HS3ST4: variants seen among roughly 807,000 people sequenced by gnomAD.
HS3ST4 encodes heparan sulfate-glucosamine 3-sulfotransferase 4.
HS3ST4 carries 17 observed loss-of-function variants against 29.2 expected under a neutral mutation model. The observed-to-expected ratio is 0.58, with a 90% CI of 0.40 to 0.87. The LOEUF is 0.87. Ranked by LOEUF, HS3ST4 falls within the 40% of genes least tolerant of loss-of-function variation. HS3ST4 has a pLI of 0.00. For synonymous variants in HS3ST4, 314 were observed against 285.7 expected, an observed-to-expected ratio of 1.10 and a Z score of -1.00; for missense variants, 627 against 634.5, an observed-to-expected ratio of 0.99 and a Z score of 0.13.
intron 1 of HS3ST4, 104 bp from the exon 2 acceptor site, chr16:26,135,508 G>T: frequency 2.7e-6 from 3 of 1,095,942 alleles, no homozygotes; most frequent in South Asian, 1.7e-5. Flanking sequence ...AATTTTATTT[G>T]GTGGTTCCAA....
chr16:26,086,982 T>TA (rs1898797670), intron 1 of HS3ST4, among the ~76,000 whole-genome samples: 1 of 152,216 alleles, frequency 6.6e-6, no homozygotes, highest in Non-Finnish European at 1.5e-5. Flanking sequence ...CTGCTATCAC[T>TA]AAGTGAAAAA....
intron 1 of HS3ST4, among the ~76,000 whole-genome samples, chr16:25,859,101 G>A (rs1596593474): frequency 6.6e-6 from 1 of 152,102 alleles, no homozygotes; most frequent in South Asian, 2.1e-4. Flanking sequence ...TAATTTCTTG[G>A]AATTTTGGAG....
chr16:25,939,860 G>A (rs1968555646), intron 1 of HS3ST4, among the ~76,000 whole-genome samples: 1 of 152,166 alleles, frequency 6.6e-6, no homozygotes, highest in African/African-American at 2.4e-5. Context: ...GGCCCCAAAT[G>A]CAAATATTTA....
chr16:25,849,601 A>G (rs1157907764), intron 1 of HS3ST4, among the ~76,000 whole-genome samples: 1 of 152,100 alleles, frequency 6.6e-6, no homozygotes, highest in African/African-American at 2.4e-5. Context: ...GGCTCAAGCC[A>G]TCCTCCCGTC....
intron 1 of HS3ST4, among the ~76,000 whole-genome samples, chr16:25,993,187 C>T (rs185793266): frequency 7.2e-5 from 11 of 152,278 alleles, no homozygotes; most frequent in Admixed American, 5.9e-4. Context: ...ACAATCATTG[C>T]TGTCATGGAA....
intron 1 of HS3ST4, among the ~76,000 whole-genome samples, chr16:26,118,292 C>T (rs2141808009): frequency 6.6e-6 from 1 of 152,228 alleles, no homozygotes; most frequent in Middle Eastern, 3.4e-3. Context: ...GTCTTGAATT[C>T]CTGGGTTCAA....
At chr16:25,857,928 CTTTCTTTCTTTCTT>C (rs1967594959) in intron 1 of HS3ST4, among the ~76,000 whole-genome samples, 1 of 47,668 alleles carries the variant, frequency 2.1e-5, no homozygotes, top group African/African-American at 1.2e-4. Flanking sequence ...TCCTTTCTTT[CTTTCTTTCTTTCTT>C]TCTTTCTTTC....
At chr16:25,885,362 G>A (rs1967938386) in intron 1 of HS3ST4, among the ~76,000 whole-genome samples, 1 of 152,174 alleles carries the variant, frequency 6.6e-6, no homozygotes, top group South Asian at 2.1e-4. Context: ...GAGACCCTCA[G>A]AGGAGGGGAC....
chr16:25,793,957 T>C (rs1460927067), intron 1 of HS3ST4, among the ~76,000 whole-genome samples: 1 of 152,052 alleles, frequency 6.6e-6, no homozygotes, highest in Non-Finnish European at 1.5e-5. Flanking sequence ...ATTTGTTTCA[T>C]TGATCTGAAT....
At chr16:25,880,165 C>T (rs1406660964) in intron 1 of HS3ST4, among the ~76,000 whole-genome samples, 2 of 152,160 alleles carry the variant, frequency 1.3e-5, no homozygotes, top group African/African-American at 4.8e-5. Flanking sequence ...CAGTTTCTCT[C>T]TTAGTATCAA....
chr16:25,726,005 A>G (rs1596553936), intron 1 of HS3ST4, among the ~76,000 whole-genome samples: 2 of 152,340 alleles, frequency 1.3e-5, no homozygotes, highest in African/African-American at 4.8e-5. Flanking sequence ...GCATTAGAAA[A>G]AAAGTTTCAC....
intron 1 of HS3ST4, among the ~76,000 whole-genome samples, chr16:25,714,379 A>G (rs577644498): frequency 2.0e-5 from 3 of 152,332 alleles, no homozygotes; most frequent in East Asian, 3.9e-4. Flanking sequence ...GTACGATGAC[A>G]CTGACGAGAA....
At chr16:25,781,168 C>T (rs1966852258) in intron 1 of HS3ST4, among the ~76,000 whole-genome samples, 1 of 152,166 alleles carries the variant, frequency 6.6e-6, no homozygotes, top group Non-Finnish European at 1.5e-5. Flanking sequence ...AGGATTGAAG[C>T]TGGGTCAAGA....
chr16:25,868,245 G>A (rs1035687807), intron 1 of HS3ST4, among the ~76,000 whole-genome samples: 1 of 152,100 alleles, frequency 6.6e-6, no homozygotes, highest in African/African-American at 2.4e-5. Flanking sequence ...CCTGTGAAGG[G>A]AATGAACAGA....
At chr16:26,051,523 C>G (rs1341832412) in intron 1 of HS3ST4, among the ~76,000 whole-genome samples, 1 of 151,996 alleles carries the variant, frequency 6.6e-6, no homozygotes, top group Non-Finnish European at 1.5e-5. Flanking sequence ...CAGGGGGAAA[C>G]TGAGGCTTAG....
At chr16:25,930,114 G>A (rs1968448490) in intron 1 of HS3ST4, among the ~76,000 whole-genome samples, 1 of 152,202 alleles carries the variant, frequency 6.6e-6, no homozygotes, top group Non-Finnish European at 1.5e-5. Context: ...CTCCATCCAT[G>A]TTCCTGCAAA....
At chr16:25,800,092 G>GCCTT (rs369585373) in intron 1 of HS3ST4, among the ~76,000 whole-genome samples, 8 of 134,444 alleles carry the variant, frequency 6.0e-5, no homozygotes, top group African/African-American at 2.0e-4. Flanking sequence ...CTTCCTTCCT[G>GCCTT]CCTTCCTTCC....
intron 1 of HS3ST4, among the ~76,000 whole-genome samples, chr16:26,039,946 A>G (rs750511807): frequency 2.0e-5 from 3 of 152,184 alleles, no homozygotes; most frequent in Non-Finnish European, 2.9e-5. Flanking sequence ...GCCTCAGTGA[A>G]TGTTCTTATA....
intron 1 of HS3ST4, among the ~76,000 whole-genome samples, chr16:25,816,291 T>C (rs978263089): frequency 6.6e-6 from 1 of 152,128 alleles, no homozygotes; most frequent in African/African-American, 2.4e-5. Context: ...TCCTATCTTC[T>C]AAAATCCTCC....
Sources: allele counts gnomAD v4.1 joint callset (sites outside exome capture counted in the v4.1 genomes callset), GRCh38; gene constraint gnomAD v4.1.1; transcripts MANE v1.5; gene names NCBI Gene and HGNC (gene_info 2026-07-23, HGNC 2026-07-21).